Variants in RFX2 observed in about 807,000 individuals in gnomAD.
The protein encoded by RFX2 is DNA-binding protein RFX2.
A neutral mutation model predicts 87.8 loss-of-function variants in RFX2; 20 were observed. That is an observed-to-expected ratio of 0.23 (90% CI 0.16 to 0.33). The LOEUF (loss-of-function observed/expected upper bound fraction) is 0.33. Among genes scored for constraint, RFX2 ranks in the 10% least tolerant of loss-of-function variants. The pLI is 1.00. For missense variants in RFX2, 767 were observed against 1,012.3 expected (o/e 0.76, Z 3.29); for synonymous variants, 397 against 431.3 (o/e 0.92, Z 0.98).
chr19:6,067,181 C>A (rs1049013604), intron 1 of RFX2, among the ~76,000 whole-genome samples: 3 of 152,148 alleles, frequency 2.0e-5, no homozygotes, highest in African/African-American at 7.2e-5. Flanking sequence ...ATCAAACAAA[C>A]AATGTGGGAG....
chr19:6,045,854 A>AT lies in RFX2; in HGVS notation c.90+1552dup, dbSNP rs1379649169. On this transcript the variant is annotated intron_variant, in intron 2 of 17. Transcript: ENST00000303657. The surrounding 1 kb of genome is among the most constrained non-coding windows in gnomAD (Gnocchi z 5.2). ...GCTCGGCTAATTTATTATTATTATTATTTTTTGTATTTAGTAGACACAGGG... is the reference window on the plus strand; with the variant it reads ...GCTCGGCTAATTTATTATTATTATTATTTTTTTGTATTTAGTAGACACAGGG... 1.3e-5 allele frequency among the ~76,000 whole-genome samples: 2 copies of AT among 151,770 alleles called. No homozygotes were observed. Among genetic ancestry groups the AT allele is most frequent in the Non-Finnish European group, 2.9e-5 (2 of 67,948 alleles).
rs1281391449 is a variant in RFX2, at chr19:6,023,710, T to C, written c.597+2453A>G. Among the ~76,000 whole-genome samples, 2 of 151,988 alleles carry C rather than the reference T, an allele frequency of 1.3e-5. No individual in the cohort carries two copies. The highest frequency in any genetic ancestry group is 1.5e-5 in the Non-Finnish European group (1 of 68,006). ...GACCTGAGAAAGTCTGCCTTTCGGA[T>C]GAAGTGTTAGAAAGCAGGAAGGATC... On this transcript the variant is annotated intron_variant, in intron 6 of 17. Transcript: ENST00000303657. This position sits in a 1 kb window ranked among gnomAD's most constrained non-coding sequence, Gnocchi z 4.9.
At chr19:6,107,643 A>AAAAAAAAAAAAAC in intron 1 of RFX2, among the ~76,000 whole-genome samples, 1 of 151,006 alleles carries the variant, frequency 6.6e-6, no homozygotes, top group Non-Finnish European at 1.5e-5. Flanking sequence ...AAAAAAAAAA[A>AAAAAAAAAAAAAC]ATCCACAGGT....
At chr19:6,051,021 T>A (rs147148460) in intron 1 of RFX2, among the ~76,000 whole-genome samples, 2 of 152,254 alleles carry the variant, frequency 1.3e-5, no homozygotes, top group Non-Finnish European at 2.9e-5. Flanking sequence ...GAAAACCCTA[T>A]CAGCCCAGAA....
In RFX2 at chr19:6,047,353, AGAGATCG is replaced by A; in HGVS notation, c.90+47_90+53del. 1.4e-6 allele frequency: 2 copies of A among 1,400,478 alleles called. No homozygotes were observed. The highest frequency in any genetic ancestry group is 2.0e-6 in the Non-Finnish European group (2 of 1,015,420). The allele number at this position is 1,400,478 out of a possible 1,614,324, so 86.8% of individuals were successfully genotyped here. On this transcript the variant is annotated intron_variant, in intron 2 of 17. Transcript: ENST00000303657. This position sits in a 1 kb window ranked among gnomAD's most constrained non-coding sequence, Gnocchi z 4.2. ...AGATCTGAGCAGCTTTCAAACCCAT[AGAGATCG>A]CGTCCACACTGTGGCCACCCTGTTG... is the stretch of plus-strand genomic sequence containing the variant.
chr19:6,048,652 G>C (rs1357227030), intron 1 of RFX2, among the ~76,000 whole-genome samples: 1 of 152,144 alleles, frequency 6.6e-6, no homozygotes, highest in East Asian at 1.9e-4. Flanking sequence ...GAACACAATA[G>C]ACATTTGCTA....
chr19:6,042,165 C>A (rs560208974), intron 3 of RFX2, 42 bp from the exon 4 acceptor site: 1 of 1,549,036 alleles, frequency 6.5e-7, no homozygotes. Flanking sequence ...GTCACGCCCT[C>A]GTGAGTTGCC....
chr19:6,098,610 G>A (rs574648846), intron 1 of RFX2, among the ~76,000 whole-genome samples: 1 of 152,138 alleles, frequency 6.6e-6, no homozygotes, highest in East Asian at 1.9e-4. Context: ...GGTCAGGAGT[G>A]TTATAGAGGG....
In RFX2 at chr19:6,026,508, T is replaced by C; in HGVS notation, c.523-271A>G. 5.7e-6 allele frequency: 3 copies of C among 527,954 alleles called. No individual in the cohort carries two copies. The highest frequency in any genetic ancestry group is 1.0e-5 in the Non-Finnish European group (3 of 293,956). The allele number at this position is 527,954 out of a possible 1,614,324, so 32.7% of individuals were successfully genotyped here. A position where few individuals can be genotyped will look rare whatever the true frequency, so the allele number is the denominator to read the frequency against. On this transcript the variant is annotated intron_variant, in intron 5 of 17. Coordinates refer to ENST00000303657, the MANE Select transcript of RFX2 (RefSeq NM_000635.4). The surrounding 1 kb of genome is among the most constrained non-coding windows in gnomAD (Gnocchi z 4.5). ...CAGAAATCATGTTGTAAAAACTTGC[T>C]ACTGAACTTTAACCTGGCATATGTG...
At chr19:6,092,622 C>A (rs138915769) in intron 1 of RFX2, among the ~76,000 whole-genome samples, 1 of 151,742 alleles carries the variant, frequency 6.6e-6, no homozygotes, top group Non-Finnish European at 1.5e-5. Context: ...CACACGCGAG[C>A]ATGGGCGCAG....
chr19:6,086,456 GTA>G (rs1404541832), intron 1 of RFX2, among the ~76,000 whole-genome samples: 1 of 152,218 alleles, frequency 6.6e-6, no homozygotes, highest in African/African-American at 2.4e-5. Flanking sequence ...ACAGTGGTAA[GTA>G]TTTGTATCTC....
chr19:6,073,047 T>G, intron 1 of RFX2: 1 of 478,110 alleles, frequency 2.1e-6, no homozygotes, highest in Non-Finnish European at 3.8e-6. Context: ...TGGTGCGATC[T>G]CAGCTCACTG....
At position 6,101,661 on chromosome 19, in the gene RFX2, C is replaced by A. The variant is rs774628862; in HGVS notation, c.-9+8732G>T. Among the ~76,000 whole-genome samples, 98 of 152,350 alleles carry A rather than the reference C, an allele frequency of 6.4e-4. 1 individual carries two copies. Among genetic ancestry groups the A allele is most frequent in the Admixed American group, 1.6e-3 (25 of 15,302 alleles). ...TTCCAGGAGACAGGCGTTCATGAGTCAAGCCTTCTGCCTTTCTGTGGGGAC... is the reference window on the plus strand; with the variant it reads ...TTCCAGGAGACAGGCGTTCATGAGTAAAGCCTTCTGCCTTTCTGTGGGGAC... On this transcript the variant is annotated intron_variant, in intron 1 of 17. Coordinates refer to ENST00000303657, the MANE Select transcript of RFX2 (RefSeq NM_000635.4). This position sits in a 1 kb window ranked among gnomAD's most constrained non-coding sequence, Gnocchi z 4.9.
chr19:6,003,653 C>T (rs1434361888), intron 13 of RFX2, among the ~76,000 whole-genome samples: 1 of 151,796 alleles, frequency 6.6e-6, no homozygotes, highest in Non-Finnish European at 1.5e-5. Context: ...GTGGCGGGCA[C>T]CTGTAATCCC....
intron 1 of RFX2, among the ~76,000 whole-genome samples, chr19:6,089,363 C>T (rs1364473498): frequency 6.6e-6 from 1 of 152,170 alleles, no homozygotes; most frequent in African/African-American, 2.4e-5. Context: ...AGGGAGTGTG[C>T]ACGGGCAGGA....
intron 3 of RFX2, among the ~76,000 whole-genome samples, chr19:6,042,864 C>T (rs1352122447): frequency 2.6e-5 from 4 of 152,242 alleles, no homozygotes; most frequent in Non-Finnish European, 4.4e-5. Context: ...TTCAAACTCT[C>T]ACCCCAGAGG....
At chr19:6,070,181 A>AG (rs1568533729) in intron 1 of RFX2, among the ~76,000 whole-genome samples, 9 of 78 alleles carry the variant, frequency 0.12, 3 homozygotes, top group Non-Finnish European at 0.071. Flanking sequence ...ATGGGATGGG[A>AG]TGGGATGGGA....
At chr19:6,032,571 G>A (rs1407451774) in intron 5 of RFX2, among the ~76,000 whole-genome samples, 2 of 152,214 alleles carry the variant, frequency 1.3e-5, no homozygotes, top group South Asian at 2.1e-4. Flanking sequence ...GGGCTGAGAG[G>A]CTGGGGGAGG....
intron 5 of RFX2, among the ~76,000 whole-genome samples, chr19:6,035,155 C>T (rs2087004781): frequency 6.6e-6 from 1 of 152,098 alleles, no homozygotes; most frequent in South Asian, 2.1e-4. Context: ...TTTTTGTCTT[C>T]GTCAGGGCCC....
Sources: gnomAD v4.1 joint callset for allele counts (sites outside exome capture counted in the v4.1 genomes callset) on GRCh38, gnomAD v4.1.1 for gene constraint, Gnocchi (gnomAD v3.1) non-coding constraint, MANE v1.5 for transcripts, NCBI Gene and HGNC (gene_info 2026-07-23, HGNC 2026-07-21) for gene names.